Variants in ABCA12 observed in about 807,000 individuals in gnomAD.
ABCA12 encodes ATP binding cassette subfamily A member 12.
Under a neutral mutation model 293.5 loss-of-function variants are expected in ABCA12, and 156 were observed. The observed-to-expected ratio is 0.53, with a 90% confidence interval of 0.47 to 0.61. The LOEUF (loss-of-function observed/expected upper bound fraction) is 0.61, where lower values mean the gene tolerates loss of function less well. Ranked by LOEUF, ABCA12 falls within the 20% of genes least tolerant of loss-of-function variation. The pLI is 0.00. For synonymous variants in ABCA12, 1,063 were observed against 1,108.0 expected (o/e 0.96, Z 0.81); for missense variants, 2,797 against 3,090.2 (o/e 0.91, Z 2.25).
intron 1 of ABCA12, among the ~76,000 whole-genome samples, chr2:215,122,087 A>G (rs928842941): frequency 3.3e-5 from 5 of 152,306 alleles, no homozygotes; most frequent in Admixed American, 1.3e-4. Context: ...AAATTTAAAG[A>G]TTGGTAAATT....
intron 2 of ABCA12, among the ~76,000 whole-genome samples, chr2:215,091,172 C>G (rs1702134196): frequency 6.6e-6 from 1 of 152,078 alleles, no homozygotes; most frequent in Non-Finnish European, 1.5e-5. Context: ...CCACCCCAAG[C>G]AGAGTCCTCT....
intron 1 of ABCA12, among the ~76,000 whole-genome samples, chr2:215,122,843 G>A (rs976840182): frequency 1.3e-5 from 2 of 152,094 alleles, no homozygotes; most frequent in Non-Finnish European, 2.9e-5. Flanking sequence ...GGTTATATGG[G>A]TATTACATGT....
intron 1 of ABCA12, among the ~76,000 whole-genome samples, chr2:215,131,704 T>C (rs978081189): frequency 0.29 from 1,502 of 5,202 alleles, 40 homozygotes; most frequent in African/African-American, 0.32. Flanking sequence ...TTTCTATTGT[T>C]TTTTTTTTTT....
Position 214,966,891 on chromosome 2 carries a change from G to A in ABCA12, c.5841C>T (p.Phe1947=). 6.2e-7 allele frequency: 1 copy of A among 1,613,842 alleles called. No individual in the cohort carries two copies. The highest frequency in any genetic ancestry group is 8.5e-7 in the Non-Finnish European group (1 of 1,179,824). The change falls in exon 39 of 53, where the codon TTC becomes TTT. Residue 1947 remains phenylalanine, a synonymous_variant. Coordinates refer to ENST00000272895, the MANE Select transcript of ABCA12 (RefSeq NM_173076.3). ...ATTTTGACATGTTAACTCGCAGAAG[G>A]AAATTATTCAGGCTGTTGAGGTAAG... ...LPAYLNSLNN[F]LLRVNMSKYD...
intron 2 of ABCA12, among the ~76,000 whole-genome samples, chr2:215,106,129 A>G (rs1702459571): frequency 6.6e-6 from 1 of 152,172 alleles, no homozygotes; most frequent in African/African-American, 2.4e-5. Context: ...AGGCCAGAAC[A>G]CACCTCACTC....
At chr2:214,934,913 A>G (rs970636127) in intron 51 of ABCA12, among the ~76,000 whole-genome samples, 1 of 152,132 alleles carries the variant, frequency 6.6e-6, no homozygotes, top group African/African-American at 2.4e-5. Context: ...CTTGATGCTT[A>G]TTAGTCCACA....
Position 215,064,177 on chromosome 2 carries a change from G to A in ABCA12, c.206C>T (p.Pro69Leu). Residue 69 changes from proline to leucine, a missense_variant, in exon 3 of 53, where the codon CCA (proline) becomes CTA (leucine). Around this residue, in one of 3 missense-constraint regions of ABCA12, gnomAD observed 656 missense variants for 638.2 expected, o/e 1.03. Transcript: ENST00000272895. ...PRNLPSTGFF[P>L]FLQTLLCDTD... The stretch of plus-strand genomic sequence containing the variant: ...GTCACAGAGTAGGGTCTGCAGGAAT[G>A]GAAAGAATCCAGTACTAGGAAGGTT... 6.2e-7 allele frequency: 1 copy of A among 1,612,738 alleles called. No individual in the cohort carries two copies. The highest frequency in any genetic ancestry group is 8.5e-7 in the Non-Finnish European group (1 of 1,179,188).
At chr2:214,992,320 G>A (rs1204535958) in intron 23 of ABCA12, among the ~76,000 whole-genome samples, 2 of 151,470 alleles carry the variant, frequency 1.3e-5, no homozygotes, top group African/African-American at 4.9e-5. Context: ...GCGGGCCCCC[G>A]TAGCCCCAGC....
At position 214,950,950 on chromosome 2, in the gene ABCA12, T is replaced by C; in HGVS notation, c.6781A>G (p.Lys2261Glu). 1 of 1,614,192 alleles carries C rather than the reference T, an allele frequency of 6.2e-7. No homozygotes were observed. Among genetic ancestry groups the C allele is most frequent in the Non-Finnish European group, 8.5e-7 (1 of 1,180,028 alleles). ...FDLVQLYCLT[K>E]TYQLIHKKII... ...TTTTTGTGGATAAGTTGGTAGGTCT[T>C]TGTGAGACAATAAAGTTGGACCAAG... The change falls in exon 45 of 53, where the codon AAG becomes GAG. Residue 2261 changes from lysine (K) to glutamate (E), a missense_variant. Physicochemically the swap from Lys to Glu is moderately conservative, Grantham distance 56. Coordinates refer to ENST00000272895, the MANE Select transcript of ABCA12 (RefSeq NM_173076.3).
Position 214,980,650 on chromosome 2 carries a change from A to C in ABCA12, c.4580-7T>G. 1 of 1,614,074 alleles carries C rather than the reference A, an allele frequency of 6.2e-7. No individual in the cohort carries two copies. Among genetic ancestry groups the C allele is most frequent in the Non-Finnish European group, 8.5e-7 (1 of 1,179,950 alleles). ...GACAGAATGATTGTTCTGGCTTGAA[A>C]ATACAGACAAGAACAACAGGGAATG... On this transcript the variant is annotated splice_region_variant and splice_polypyrimidine_tract_variant and intron_variant, in intron 30 of 52. Coordinates refer to ENST00000272895, the MANE Select transcript of ABCA12 (RefSeq NM_173076.3).
chr2:214,986,814 G>T, intron 27 of ABCA12, 86 bp from the exon 28 acceptor site: 1 of 1,251,906 alleles, frequency 8.0e-7, no homozygotes. Flanking sequence ...AAAAATTTAA[G>T]ACTATAAAAA....
At chr2:215,052,317 G>A (rs1447314601) in intron 5 of ABCA12, among the ~76,000 whole-genome samples, 170 bp downstream of exon 5, 5 of 152,018 alleles carry the variant, frequency 3.3e-5, no homozygotes, top group Non-Finnish European at 5.9e-5. Context: ...AATTCAGAAT[G>A]TCTTAAAATT....
At chr2:214,945,134 C>G in intron 48 of ABCA12, 30 bp from the exon 49 acceptor site, 1 of 1,543,474 alleles carries the variant, frequency 6.5e-7, no homozygotes, top group Non-Finnish European at 8.9e-7. Context: ...AAAAATTTAT[C>G]AAATTAATTA....
At position 215,011,986 on chromosome 2, in the gene ABCA12, A is replaced by T; in HGVS notation, c.2106T>A (p.Ser702Arg). ...RSLKQMHLPR[S>R]VPLTQAMYRS... ...ACTTTGCTACCTGTGTTAATGGAAC[A>T]CTTCTGGGCAGATGCATTTGCTTCA... The change falls in exon 16 of 53, where the codon AGT (serine) becomes AGA (arginine). Residue 702 changes from serine (S) to arginine (R), a missense_variant. Physicochemically the swap from Ser to Arg is moderately radical, Grantham distance 110. This residue lies in a region of ABCA12 where 2,130 missense variants were observed against 2,427.0 expected (regional missense o/e 0.88). Coordinates refer to ENST00000272895, the MANE Select transcript of ABCA12 (RefSeq NM_173076.3). The T allele has an allele frequency of 1.2e-6, 2 of 1,613,886 alleles. No homozygotes were observed. Among genetic ancestry groups the T allele is most frequent in the Non-Finnish European group, 1.7e-6 (2 of 1,179,880 alleles).
chr2:215,117,957 G>C (rs1575055674), intron 1 of ABCA12, among the ~76,000 whole-genome samples: 1 of 152,174 alleles, frequency 6.6e-6, no homozygotes, highest in Non-Finnish European at 1.5e-5. Flanking sequence ...AATAGGGAAA[G>C]TACTCTCTAG....
chr2:215,063,491 T>A (rs957701902), intron 3 of ABCA12, among the ~76,000 whole-genome samples: 2 of 151,966 alleles, frequency 1.3e-5, no homozygotes, highest in Non-Finnish European at 2.9e-5. Context: ...AGGTTGTTAA[T>A]GGCTTAGATT....
At chr2:215,031,993 A>C in intron 8 of ABCA12, 97 bp from the exon 9 acceptor site, 1 of 1,590,554 alleles carries the variant, frequency 6.3e-7, no homozygotes, top group Non-Finnish European at 8.5e-7. Context: ...TAATGAGGAG[A>C]AAATGCAGAA....
At chr2:215,068,607 G>A (rs183676450) in intron 2 of ABCA12, among the ~76,000 whole-genome samples, 23 of 151,698 alleles carry the variant, frequency 1.5e-4, no homozygotes, top group Admixed American at 1.1e-3. Flanking sequence ...TTCCCTCATT[G>A]CATCTAATCG....
rs993861800 is a variant in ABCA12, at chr2:215,086,119, G to T, written c.164-21900C>A. Among the ~76,000 whole-genome samples the T allele has an allele frequency of 2.6e-5, 4 of 152,270 alleles. No homozygotes were observed. In the East Asian group the frequency reaches 7.7e-4, roughly 29 times the overall value. ...TACATTTATTGCGCACCAACTATTGGAGTGGGGATGGCAAACCACCATCAT... is the reference window on the plus strand; with the variant it reads ...TACATTTATTGCGCACCAACTATTGTAGTGGGGATGGCAAACCACCATCAT... On this transcript the variant is annotated intron_variant, in intron 2 of 52. Coordinates refer to ENST00000272895, the MANE Select transcript of ABCA12 (RefSeq NM_173076.3).
Sources: gnomAD v4.1 joint callset for allele counts (sites outside exome capture counted in the v4.1 genomes callset) on GRCh38, gnomAD v4.1.1 for gene constraint, gnomAD v4.1.1 regional missense constraint, MANE v1.5 for transcripts, NCBI Gene and HGNC (gene_info 2026-07-23, HGNC 2026-07-21) for gene names.